Variants in MDFIC observed in about 807,000 individuals in gnomAD.
MDFIC encodes myoD family inhibitor domain-containing protein.
MDFIC carries 17 observed loss-of-function variants against 23.2 expected under a neutral mutation model. The ratio of observed to expected loss-of-function variants is 0.73; its 90% CI spans 0.50 to 1.10. The LOEUF (loss-of-function observed/expected upper bound fraction) is 1.10. Ranked by LOEUF, MDFIC falls within the 50% of genes least tolerant of loss-of-function variation. The pLI is 0.00. For missense variants in MDFIC, 356 were observed against 316.6 expected (o/e 1.12, Z -0.95); for synonymous variants, 120 against 115.2 (o/e 1.04, Z -0.27).
At chr7:115,003,117 C>A (rs1791496652) in intron 4 of MDFIC, among the ~76,000 whole-genome samples, 1 of 152,216 alleles carries the variant, frequency 6.6e-6, no homozygotes, top group African/African-American at 2.4e-5. Flanking sequence ...TTCTCTCTCA[C>A]TTCCATGGGA....
intron 2 of MDFIC, among the ~76,000 whole-genome samples, chr7:114,931,735 C>T (rs750764823): frequency 2.0e-5 from 3 of 152,050 alleles, no homozygotes; most frequent in East Asian, 1.9e-4. Flanking sequence ...TTCAGGATGG[C>T]GAGAAGGAAT....
chr7:114,961,535 T>G (rs1275446593), intron 3 of MDFIC, among the ~76,000 whole-genome samples: 1 of 152,084 alleles, frequency 6.6e-6, no homozygotes, highest in Non-Finnish European at 1.5e-5. Flanking sequence ...ATTCTTACAC[T>G]GCTATAAGAA....
At chr7:114,972,777 C>A (rs1407268245) in intron 3 of MDFIC, among the ~76,000 whole-genome samples, 1 of 152,008 alleles carries the variant, frequency 6.6e-6, no homozygotes, top group African/African-American at 2.4e-5. Flanking sequence ...TGCCATCACA[C>A]CTGGTTAATT....
chr7:114,939,045 A>C (rs1255055413), intron 2 of MDFIC, among the ~76,000 whole-genome samples: 2 of 152,208 alleles, frequency 1.3e-5, no homozygotes, highest in African/African-American at 2.4e-5. Flanking sequence ...ATTATCTATC[A>C]ATAAATCCTG....
chr7:114,951,107 G>A (rs1472187916), intron 3 of MDFIC, among the ~76,000 whole-genome samples: 1 of 152,170 alleles, frequency 6.6e-6, no homozygotes, highest in Admixed American at 6.5e-5. Flanking sequence ...GATAGCTTGA[G>A]CCTAGGAGGT....
At chr7:114,957,930 G>A (rs949514955) in intron 3 of MDFIC, among the ~76,000 whole-genome samples, 2 of 152,118 alleles carry the variant, frequency 1.3e-5, no homozygotes, top group Non-Finnish European at 2.9e-5. Flanking sequence ...AGAATAATCT[G>A]TATCACAATA....
intron 4 of MDFIC, among the ~76,000 whole-genome samples, chr7:115,013,082 A>G (rs1791712403): frequency 6.6e-6 from 1 of 152,212 alleles, no homozygotes; most frequent in Non-Finnish European, 1.5e-5. Context: ...AGCTACACGA[A>G]TCAACATAGA....
At chr7:114,989,057 G>A (rs573041652) in intron 4 of MDFIC, among the ~76,000 whole-genome samples, 2 of 152,256 alleles carry the variant, frequency 1.3e-5, no homozygotes, top group South Asian at 4.1e-4. Flanking sequence ...CAGTAAGTCA[G>A]AGTAAGGCCA....
intron 4 of MDFIC, among the ~76,000 whole-genome samples, chr7:114,986,326 C>T (rs1436463865): frequency 6.6e-6 from 1 of 151,542 alleles, no homozygotes; most frequent in Non-Finnish European, 1.5e-5. Context: ...CAGAATATAC[C>T]AGAGGGATAA....
Position 115,015,887 on chromosome 7 carries a change from C to T in MDFIC, c.693C>T (p.Asp231=). The change falls in exon 5 of 5, where the codon GAC becomes GAT. Residue 231 remains aspartate (D), a synonymous_variant. Transcript: ENST00000393486. ...GIMDACCESS[D]CLEICMECCG... ...TGGATGCCTGTTGTGAATCATCAGA[C>T]TGCTTGGAAATCTGTATGGAATGCT... 2 of 1,614,148 alleles carry T rather than the reference C, an allele frequency of 1.2e-6. No homozygotes were observed. The highest frequency in any genetic ancestry group is 2.7e-5 in the African/African-American group (2 of 75,046).
intron 2 of MDFIC, among the ~76,000 whole-genome samples, chr7:114,929,002 T>C (rs1175219245): frequency 6.6e-6 from 1 of 151,800 alleles, no homozygotes; most frequent in Non-Finnish European, 1.5e-5. Flanking sequence ...GTGTCCACAT[T>C]TTGATGAAAT....
At chr7:115,011,341 A>G (rs1791677930) in intron 4 of MDFIC, among the ~76,000 whole-genome samples, 1 of 152,118 alleles carries the variant, frequency 6.6e-6, no homozygotes. Context: ...GTACAAAGTA[A>G]TTTTCTAATT....
In MDFIC at chr7:114,922,226, GC is replaced by G; in HGVS notation, c.-516del. 1 of 522,390 alleles carries G rather than the reference GC, an allele frequency of 1.9e-6. No homozygotes were observed. Among genetic ancestry groups the G allele is most frequent in the Non-Finnish European group, 2.9e-6 (1 of 341,174 alleles). 32.4% of individuals were successfully genotyped at this position (522,390 alleles called of 1,614,324 possible). ...GATCGCGCGGCCGAGCCCGGGTCGC[GC>G]CGCTCCCAGCATCGGGGCCGCTAGC... On this transcript the variant is annotated 5_prime_UTR_variant, in exon 1 of 5. Coordinates refer to ENST00000393486, the MANE Select transcript of MDFIC (RefSeq NM_001166345.3).
At chr7:114,931,388 T>G (rs774943582) in intron 2 of MDFIC, among the ~76,000 whole-genome samples, 18 of 152,340 alleles carry the variant, frequency 1.2e-4, no homozygotes, top group Non-Finnish European at 2.2e-4. Flanking sequence ...ATGCCCAATT[T>G]TTGGTAGTTT....
In MDFIC at chr7:114,922,584, G is replaced by A; in HGVS notation, c.-160G>A. On this transcript the variant is annotated 5_prime_UTR_variant, in exon 1 of 5. Transcript: ENST00000393486. ...GGCTCGCTAACTTTCCGGGGCGGAA[G>A]AGGAGGAGGAGGAGGAGGAAGGGGC... 1 of 1,229,976 alleles carries A rather than the reference G, an allele frequency of 8.1e-7. No individual in the cohort carries two copies. 76.2% of individuals were successfully genotyped at this position (1,229,976 alleles called of 1,614,324 possible).
intron 3 of MDFIC, among the ~76,000 whole-genome samples, chr7:114,962,148 T>C (rs190591598): frequency 1.5e-4 from 23 of 152,274 alleles, no homozygotes; most frequent in Admixed American, 6.5e-4. Flanking sequence ...AAATCAGGGA[T>C]CTATACTCTT....
intron 4 of MDFIC, among the ~76,000 whole-genome samples, chr7:115,005,931 A>T (rs563126633): frequency 1.3e-5 from 2 of 152,154 alleles, no homozygotes; most frequent in Non-Finnish European, 2.9e-5. Context: ...CCTCCTGTGC[A>T]CTGCTTTGAA....
chr7:114,943,848 G>A (rs1792596301), intron 3 of MDFIC, among the ~76,000 whole-genome samples: 1 of 151,944 alleles, frequency 6.6e-6, no homozygotes, highest in African/African-American at 2.4e-5. Flanking sequence ...TTAAGTGTGT[G>A]CTTCATTTAA....
intron 2 of MDFIC, among the ~76,000 whole-genome samples, chr7:114,936,552 A>G (rs1177787616): frequency 6.6e-6 from 1 of 152,146 alleles, no homozygotes; most frequent in Non-Finnish European, 1.5e-5. Flanking sequence ...TAGCAGATTT[A>G]TGTTTAAAAA....
Sources: allele counts gnomAD v4.1 joint callset (sites outside exome capture counted in the v4.1 genomes callset), GRCh38; gene constraint gnomAD v4.1.1; transcripts MANE v1.5; gene names NCBI Gene and HGNC (gene_info 2026-07-23, HGNC 2026-07-21).